Variants in EDA observed in about 807,000 individuals in gnomAD.
EDA encodes the protein ectodysplasin A, also known as ectodysplasin-A.
EDA carries 2 observed loss-of-function variants against 23.6 expected under a neutral mutation model. The ratio of observed to expected loss-of-function variants is 0.08; its 90% CI spans 0.03 to 0.27. EDA has a LOEUF of 0.27. Among genes scored for constraint, EDA ranks in the 10% least tolerant of loss-of-function variants. The probability of loss-of-function intolerance (pLI) is 1.00; values close to 1 mark genes in which losing one functional copy is unlikely to be tolerated. For synonymous variants in EDA, 131 were observed against 132.0 expected (o/e 0.99, Z 0.05); for missense variants, 229 against 324.2 (o/e 0.71, Z 2.26).
At chrX:69,739,068 C>T (rs187552019) in intron 1 of EDA, among the ~76,000 whole-genome samples, 5 of 111,258 alleles carry the variant, frequency 4.5e-5, no homozygotes, top group Admixed American at 3.8e-4. Context: ...TTTTTCTATT[C>T]ATTACTGAAA....
chrX:69,752,840 C>T (rs1207101331), intron 1 of EDA, among the ~76,000 whole-genome samples: 1 of 111,952 alleles, frequency 8.9e-6, no homozygotes, highest in Non-Finnish European at 1.9e-5. Context: ...TCCATTTCTT[C>T]TAGATTTTCT....
At chrX:69,879,508 G>T (rs757212299) in intron 1 of EDA, among the ~76,000 whole-genome samples, 4 of 111,703 alleles carry the variant, frequency 3.6e-5, no homozygotes, top group Non-Finnish European at 7.5e-5. Flanking sequence ...GAGAAAGTTC[G>T]CCTTCCCTCA....
At chrX:69,781,425 T>G (rs1196591887) in intron 1 of EDA, among the ~76,000 whole-genome samples, 1 of 111,679 alleles carries the variant, frequency 9.0e-6, no homozygotes, top group African/African-American at 3.3e-5. Context: ...TAAATAAAGT[T>G]TTATTGGAAC....
rs1299452831 is a variant in EDA at position 69,824,573 on chromosome X, G to T, written c.397-132454G>T. ...TGTATCCTGAGACTTTGCTGAAGTT[G>T]CTTATCAGCTTAAGGAGATTTTGGG... is the stretch of plus-strand genomic sequence containing the variant. On this transcript the variant is annotated intron_variant, in intron 1 of 7. Coordinates refer to ENST00000374552, the MANE Select transcript of EDA (RefSeq NM_001399.5). 6.5e-5 allele frequency among the ~76,000 whole-genome samples: 7 copies of T among 107,300 alleles called. No homozygotes were observed. The East Asian group carries it at 2.1e-3, about 32-fold the overall frequency. The allele number at this position is 107,300 out of a possible 115,157, so 93.2% of individuals were successfully genotyped here. A position where few individuals can be genotyped will look rare whatever the true frequency, so the allele number is the denominator to read the frequency against.
intron 1 of EDA, among the ~76,000 whole-genome samples, chrX:69,869,773 C>T (rs1343652120): frequency 1.8e-5 from 2 of 112,085 alleles, no homozygotes; most frequent in Non-Finnish European, 3.8e-5. Context: ...TAGCCATGCC[C>T]ACCTTGCCTT....
chrX:69,910,265 G>A (rs1209677133), intron 1 of EDA, among the ~76,000 whole-genome samples: 1 of 108,455 alleles, frequency 9.2e-6, no homozygotes, highest in African/African-American at 3.4e-5. Flanking sequence ...GAGTATCTGG[G>A]GCTATAGGCA....
intron 2 of EDA, among the ~76,000 whole-genome samples, chrX:69,980,151 A>C (rs983009204): frequency 5.4e-5 from 6 of 111,240 alleles, no homozygotes; most frequent in Non-Finnish European, 9.4e-5. Context: ...TTGCCATCTT[A>C]GTTTCTCTCA....
At chrX:69,798,254 T>G (rs2015589272) in intron 1 of EDA, among the ~76,000 whole-genome samples, 1 of 111,016 alleles carries the variant, frequency 9.0e-6, no homozygotes, top group South Asian at 3.8e-4. Context: ...ATTAGACAGA[T>G]TATCTAAATA....
At chrX:69,713,486 C>T (rs1285660221) in intron 1 of EDA, among the ~76,000 whole-genome samples, 1 of 111,419 alleles carries the variant, frequency 9.0e-6, no homozygotes, top group Non-Finnish European at 1.9e-5. Context: ...CTTGTTTTGT[C>T]CTTTTATAAA....
intron 2 of EDA, chrX:70,022,810 T>A (rs1460399500): frequency 8.4e-6 from 1 of 118,874 alleles, no homozygotes; most frequent in Non-Finnish European, 1.8e-5. Flanking sequence ...GACCCTTTGC[T>A]CCTTCCAAGT....
At chrX:69,829,137 A>C (rs2016542751) in intron 1 of EDA, among the ~76,000 whole-genome samples, 2 of 112,366 alleles carry the variant, frequency 1.8e-5, no homozygotes, top group South Asian at 7.3e-4. Flanking sequence ...TTCCTCACTT[A>C]GACGTAAGCC....
chrX:69,660,480 A>T (rs866369965), intron 1 of EDA, among the ~76,000 whole-genome samples: 4 of 109,202 alleles, frequency 3.7e-5, no homozygotes, highest in African/African-American at 1.3e-4. Context: ...TCCTAATGCT[A>T]TCCCTCCCCA....
intron 2 of EDA, among the ~76,000 whole-genome samples, chrX:69,958,611 C>A (rs2019054313): frequency 9.1e-6 from 1 of 110,392 alleles, no homozygotes; most frequent in East Asian, 2.9e-4. Flanking sequence ...GAGAACTGGA[C>A]CAGTGGGGCC....
chrX:69,688,608 C>G (rs1320453927), intron 1 of EDA, among the ~76,000 whole-genome samples: 1 of 110,887 alleles, frequency 9.0e-6, no homozygotes, highest in Admixed American at 9.6e-5. Context: ...GCTATGTTGG[C>G]CAGGCTGGTC....
chrX:69,629,903 C>T (rs918987944), intron 1 of EDA, among the ~76,000 whole-genome samples: 2 of 111,573 alleles, frequency 1.8e-5, no homozygotes, highest in African/African-American at 3.3e-5. Context: ...TTCTAACTCA[C>T]GTGCCAGGTC....
chrX:69,886,722 A>G (rs954155527), intron 1 of EDA, among the ~76,000 whole-genome samples: 15 of 111,376 alleles, frequency 1.3e-4, no homozygotes, highest in African/African-American at 4.9e-4. Flanking sequence ...GACAGGATCC[A>G]CAGCTGCTAG....
intron 1 of EDA, among the ~76,000 whole-genome samples, chrX:69,884,233 T>G (rs755205292): frequency 8.9e-6 from 1 of 111,915 alleles, no homozygotes; most frequent in South Asian, 3.8e-4. Context: ...TGTTTGTATA[T>G]CAGCTTACAA....
At chrX:69,864,426 G>A (rs1429228935) in intron 1 of EDA, among the ~76,000 whole-genome samples, 1 of 111,562 alleles carries the variant, frequency 9.0e-6, no homozygotes, top group African/African-American at 3.3e-5. Context: ...ACCACATCAA[G>A]GGAGCACCTC....
At chrX:69,786,071 T>G (rs1020493691) in intron 1 of EDA, among the ~76,000 whole-genome samples, 17 of 108,923 alleles carry the variant, frequency 1.6e-4, no homozygotes, top group African/African-American at 5.3e-4. Context: ...ATTTTCTAGT[T>G]TATTTGCGTA....
Sources: gnomAD v4.1 joint callset for allele counts (sites outside exome capture counted in the v4.1 genomes callset) on GRCh38, gnomAD v4.1.1 for gene constraint, MANE v1.5 for transcripts, NCBI Gene and HGNC (gene_info 2026-07-23, HGNC 2026-07-21) for gene names.